Variants in SLC24A2 observed in about 807,000 individuals in gnomAD.
SLC24A2 encodes solute carrier family 24 member 2.
A neutral mutation model predicts 62.0 loss-of-function variants in SLC24A2; 36 were observed. That is an observed-to-expected ratio of 0.58 (90% confidence interval 0.44 to 0.77). The LOEUF (loss-of-function observed/expected upper bound fraction) is 0.77, where lower values mean the gene tolerates loss of function less well. SLC24A2 is among the 30% of genes least tolerant of loss of function. The probability of loss-of-function intolerance (pLI) is 0.00; values close to 1 mark genes in which losing one functional copy is unlikely to be tolerated. For missense variants in SLC24A2, 846 were observed against 817.9 expected (o/e 1.03, Z -0.42); for synonymous variants, 358 against 294.0 (o/e 1.22, Z -2.23).
the SLC24A2 span, among the ~76,000 whole-genome samples, chr9:20,049,832 G>A: frequency 6.6e-6 from 1 of 152,080 alleles, no homozygotes; most frequent in Non-Finnish European, 1.5e-5. Flanking sequence ...GAAACGCACT[G>A]CATCTGTTAC....
chr9:19,919,772 G>T, the SLC24A2 span, among the ~76,000 whole-genome samples: 5 of 152,134 alleles, frequency 3.3e-5, no homozygotes, highest in African/African-American at 1.2e-4. Flanking sequence ...GAAGTGCAGG[G>T]CAAAGGGGGG....
At position 19,520,979 on chromosome 9, in the gene SLC24A2, T is replaced by A; in HGVS notation, c.1651A>T (p.Thr551Ser). 6.2e-7 allele frequency: 1 copy of A among 1,614,056 alleles called. No individual in the cohort carries two copies. Among genetic ancestry groups the A allele is most frequent in the South Asian group, 1.1e-5 (1 of 91,076 alleles). ...AAGTSIPDLI[T>S]SVIVARKGLG... ...CCCTTCCGGGCCACTATGACACTGG[T>A]GATAAGATCAGGGATGGAGGTCCCA... The change falls in exon 10 of 11, where the codon ACC (threonine) becomes TCC (serine). Residue 551 changes from threonine (T) to serine (S), a missense_variant. Coordinates refer to ENST00000341998, the MANE Select transcript of SLC24A2 (RefSeq NM_020344.4).
intron 5 of SLC24A2, among the ~76,000 whole-genome samples, chr9:19,594,139 A>G (rs1836637379): frequency 6.6e-6 from 1 of 151,656 alleles, no homozygotes; most frequent in African/African-American, 2.4e-5. Context: ...CACCCGCCCA[A>G]CTTCCATGGA....
At chr9:19,574,865 T>C (rs1835960243) in intron 6 of SLC24A2, among the ~76,000 whole-genome samples, 1 of 152,192 alleles carries the variant, frequency 6.6e-6, no homozygotes, top group East Asian at 1.9e-4. Flanking sequence ...TGGGATGGAA[T>C]GAGGCTGTAG....
intron 7 of SLC24A2, among the ~76,000 whole-genome samples, chr9:19,569,331 A>C (rs1458268342): frequency 1.3e-5 from 2 of 151,844 alleles, no homozygotes; most frequent in African/African-American, 4.8e-5. Context: ...TTCTTACCTC[A>C]CCTCCCTTTG....
intron 7 of SLC24A2, among the ~76,000 whole-genome samples, chr9:19,555,880 G>A (rs984589530): frequency 2.6e-5 from 4 of 152,146 alleles, no homozygotes; most frequent in Non-Finnish European, 5.9e-5. Flanking sequence ...GGGAGGCAGA[G>A]GTTGCAGTGA....
Position 19,510,238 on chromosome 9 carries a change from G to A in SLC24A2, c.*5915C>T, listed in dbSNP as rs1255970377. 3.3e-5 allele frequency: 5 copies of A among 151,824 alleles called. No homozygotes were observed. The highest frequency in any genetic ancestry group is 7.4e-5 in the Non-Finnish European group (5 of 67,986). 9.4% of individuals were successfully genotyped at this position (151,824 alleles called of 1,614,324 possible). A position where few individuals can be genotyped will look rare whatever the true frequency, so the allele number is the denominator to read the frequency against. ...AGACAGTGATTATCATTAGTCATAA[G>A]GTTCCATCATTTAAGAACAATATAA... On this transcript the variant is annotated 3_prime_UTR_variant, in exon 11 of 11. Transcript: ENST00000341998.
At chr9:19,933,859 G>A in the SLC24A2 span, among the ~76,000 whole-genome samples, 1 of 152,310 alleles carries the variant, frequency 6.6e-6, no homozygotes, top group East Asian at 1.9e-4. Context: ...AGTGAAAGAT[G>A]CCAGGCACAA....
the SLC24A2 span, among the ~76,000 whole-genome samples, chr9:20,165,246 A>C: frequency 6.6e-6 from 1 of 151,938 alleles, no homozygotes; most frequent in Non-Finnish European, 1.5e-5. Flanking sequence ...CTAATTTATA[A>C]ATTCAATTCA....
chr9:20,037,315 TAC>T, the SLC24A2 span, among the ~76,000 whole-genome samples: 2 of 152,204 alleles, frequency 1.3e-5, no homozygotes, highest in Admixed American at 1.3e-4. Flanking sequence ...TCTGTACATG[TAC>T]AGACTCAACC....
chr9:19,985,071 A>T, the SLC24A2 span, among the ~76,000 whole-genome samples: 18 of 152,198 alleles, frequency 1.2e-4, no homozygotes, highest in Non-Finnish European at 2.5e-4. Flanking sequence ...TTTTAAAAAG[A>T]CTGACAATAA....
chr9:19,881,625 C>T, the SLC24A2 span, among the ~76,000 whole-genome samples: 15,891 of 152,150 alleles, frequency 0.1, 1,450 homozygotes, highest in African/African-American at 0.25. Flanking sequence ...CCTTATCTCA[C>T]GTTAACTTAG....
At chr9:19,596,391 A>C (rs1286771483) in intron 5 of SLC24A2, among the ~76,000 whole-genome samples, 1 of 152,218 alleles carries the variant, frequency 6.6e-6, no homozygotes, top group Non-Finnish European at 1.5e-5. Flanking sequence ...ATAACTTACA[A>C]ATATTATATA....
At chr9:19,706,610 C>A (rs1272450430) in intron 2 of SLC24A2, among the ~76,000 whole-genome samples, 1 of 152,054 alleles carries the variant, frequency 6.6e-6, no homozygotes, top group Non-Finnish European at 1.5e-5. Context: ...GATCTCCTGA[C>A]CTCGTGATCC....
chr9:19,793,758 T>C (rs534347944), upstream of SLC24A2, among the ~76,000 whole-genome samples: 21 of 152,318 alleles, frequency 1.4e-4, no homozygotes, highest in South Asian at 3.7e-3. Flanking sequence ...TATATGATAG[T>C]CCCTGCCTAA....
chr9:19,892,051 C>A, the SLC24A2 span, among the ~76,000 whole-genome samples: 1 of 152,176 alleles, frequency 6.6e-6, no homozygotes, highest in Non-Finnish European at 1.5e-5. Context: ...TTCCCTTTTT[C>A]TCTTCGTTTG....
intron 2 of SLC24A2, among the ~76,000 whole-genome samples, chr9:19,761,966 G>A (rs1207451142): frequency 1.3e-5 from 2 of 152,122 alleles, no homozygotes. Flanking sequence ...CCTTATAGCA[G>A]CATGATTCAT....
intron 7 of SLC24A2, among the ~76,000 whole-genome samples, chr9:19,570,222 A>G (rs1835798595): frequency 6.6e-6 from 1 of 152,220 alleles, no homozygotes; most frequent in Admixed American, 6.5e-5. Flanking sequence ...CTCACCTTGT[A>G]TTTTAGGCTC....
chr9:19,850,757 TAA>T, the SLC24A2 span, among the ~76,000 whole-genome samples: 1 of 151,582 alleles, frequency 6.6e-6, no homozygotes, highest in East Asian at 1.9e-4. Context: ...AATGTAATAT[TAA>T]GTTTTATCTA....
Sources: allele counts gnomAD v4.1 joint callset (sites outside exome capture counted in the v4.1 genomes callset), GRCh38; gene constraint gnomAD v4.1.1; transcripts MANE v1.5; gene names NCBI Gene and HGNC (gene_info 2026-07-23, HGNC 2026-07-21).